The following CCNDBP1 variants were observed in gnomAD, a reference collection of about 807,000 sequenced individuals.
The protein encoded by CCNDBP1 is cyclin-D1-binding protein 1.
In CCNDBP1, 45 loss-of-function variants were observed where a neutral mutation model predicts 46.2. The ratio of observed to expected loss-of-function variants is 0.97; its 90% CI spans 0.77 to 1.25. The LOEUF is 1.25. CCNDBP1 is among the 50% of genes most tolerant of loss of function. CCNDBP1 has a pLI of 0.00. For missense variants in CCNDBP1, 436 were observed against 442.1 expected, an observed-to-expected ratio of 0.99 and a Z score of 0.12; for synonymous variants, 154 against 163.6, an observed-to-expected ratio of 0.94 and a Z score of 0.45.
At chr15:43,192,021 T>C (rs1242716671) in intron 8 of CCNDBP1, among the ~76,000 whole-genome samples, 1 of 152,326 alleles carries the variant, frequency 6.6e-6, no homozygotes, top group Admixed American at 6.5e-5. Context: ...TCCAAGAAAT[T>C]TGACATTGAA....
rs113055981 is a variant in CCNDBP1 at position 43,189,316 on chromosome 15, C to CTTTG, written c.331+37_331+40dup. 1.4e-4 allele frequency: 181 copies of CTTTG among 1,262,784 alleles called. 2 individuals carry two copies. The African/African-American group carries it at 2.3e-3, about 16-fold the overall frequency. 78.2% of individuals were successfully genotyped at this position (1,262,784 alleles called of 1,614,324 possible). On this transcript the variant is annotated intron_variant, in intron 4 of 10. Coordinates refer to ENST00000300213, the MANE Select transcript of CCNDBP1 (RefSeq NM_012142.5). ...TAAGTGTTGCATTTATCGTGTAGAT[C>CTTTG]TTTGCTAATATTGTGGATTATGTCT...
At chr15:43,189,090 A>AG in intron 3 of CCNDBP1, 109 bp from the exon 4 acceptor site, 1 of 456,000 alleles carries the variant, frequency 2.2e-6, no homozygotes, top group Admixed American at 4.2e-5. Context: ...AAAAAAAAAA[A>AG]AAAAAAAAAA....
intron 10 of CCNDBP1, 46 bp downstream of exon 10, chr15:43,194,507 A>G (rs1596396466): frequency 6.8e-7 from 1 of 1,478,014 alleles, no homozygotes; most frequent in East Asian, 2.3e-5. Flanking sequence ...GTAAAACGGA[A>G]CTGCTGTCCA....
intron 3 of CCNDBP1, among the ~76,000 whole-genome samples, chr15:43,186,626 A>C (rs1292003828): frequency 6.6e-6 from 1 of 152,224 alleles, no homozygotes; most frequent in Admixed American, 6.5e-5. Context: ...TCTGATGTCT[A>C]AGCTACCTAT....
At chr15:43,190,420 G>A in intron 6 of CCNDBP1, 22 bp downstream of exon 6, 1 of 1,606,132 alleles carries the variant, frequency 6.2e-7, no homozygotes, top group Non-Finnish European at 8.5e-7. Flanking sequence ...TGGGCAGTGG[G>A]CCATGTCTGC....
intron 9 of CCNDBP1, 38 bp from the exon 10 acceptor site, chr15:43,194,377 A>G: frequency 2.6e-6 from 4 of 1,519,942 alleles, no homozygotes; most frequent in Non-Finnish European, 3.5e-6. Flanking sequence ...TTTTTATGGT[A>G]GGGCTCAGGG....
At chr15:43,186,099 A>C in intron 2 of CCNDBP1, 55 bp from the exon 3 acceptor site, 1 of 1,512,724 alleles carries the variant, frequency 6.6e-7, no homozygotes. Flanking sequence ...GAAGTCTTCC[A>C]AGTCCGTGCA....
At position 43,194,724 on chromosome 15, in the gene CCNDBP1, C is replaced by T; in HGVS notation, c.969-3C>T. 6.3e-7 allele frequency: 1 copy of T among 1,587,002 alleles called. No individual in the cohort carries two copies. The highest frequency in any genetic ancestry group is 8.7e-7 in the Non-Finnish European group (1 of 1,155,456). On this transcript the variant is annotated splice_region_variant and splice_polypyrimidine_tract_variant and intron_variant, in intron 10 of 10. Coordinates refer to ENST00000300213, the MANE Select transcript of CCNDBP1 (RefSeq NM_012142.5). ...ACTTACTTCTTTCCTATTCTATTCA[C>T]AGAGCAAGTCATGTGACCCCTCAGC...
intron 9 of CCNDBP1, chr15:43,193,288 G>A (rs1349828885): frequency 4.2e-5 from 5 of 119,196 alleles, no homozygotes; most frequent in African/African-American, 9.8e-5. Flanking sequence ...AGCCGACATC[G>A]CGCCACTGCA....
chr15:43,187,876 CAAAT>C (rs1323513705), intron 3 of CCNDBP1, among the ~76,000 whole-genome samples: 3 of 151,760 alleles, frequency 2.0e-5, no homozygotes, highest in Non-Finnish European at 4.4e-5. Context: ...TACATATATT[CAAAT>C]AAATACATAT....
rs150598689 is a variant in CCNDBP1 at position 43,192,536 on chromosome 15, T to A, written c.861-207T>A. Among the ~76,000 whole-genome samples, 588 of 152,208 alleles carry A rather than the reference T, an allele frequency of 3.9e-3. 2 individuals are homozygous for A. The highest frequency in any genetic ancestry group is 0.014 in the African/African-American group (561 of 41,516). On this transcript the variant is annotated intron_variant, in intron 8 of 10. Coordinates refer to ENST00000300213, the MANE Select transcript of CCNDBP1 (RefSeq NM_012142.5). ...CACCCTACTATGAACCAAGGGAATT[T>A]CCCCCCCAGCTTCCTAGTGAAATGG... is the stretch of plus-strand genomic sequence containing the variant.
chr15:43,192,517 A>C (rs1204100749), intron 8 of CCNDBP1, among the ~76,000 whole-genome samples: 2 of 152,182 alleles, frequency 1.3e-5, no homozygotes, highest in African/African-American at 4.8e-5. Context: ...CATGCACCCT[A>C]CTATGAACCA....
Position 43,190,056 on chromosome 15 carries a change from GATC to G in CCNDBP1, c.335_337del (p.Ile112del). The G allele has an allele frequency of 6.2e-7, 1 of 1,614,016 alleles. No individual in the cohort carries two copies. The highest frequency in any genetic ancestry group is 1.1e-5 in the South Asian group (1 of 91,078). On this transcript the variant is annotated inframe_deletion and splice_region_variant, in exon 5 of 11. Transcript: ENST00000300213. ...CTTATTCTTTGGGTTTGGCCACAGG[GATC>G]ACCCTGAGAAAGCTGGTACGGGGCG...
Position 43,185,518 on chromosome 15 carries a change from C to G in CCNDBP1, c.20C>G (p.Pro7Arg), listed in dbSNP as rs777655444. 1.3e-6 allele frequency: 2 copies of G among 1,595,100 alleles called. No homozygotes were observed. Among genetic ancestry groups the G allele is most frequent in the Non-Finnish European group, 8.5e-7 (1 of 1,173,712 alleles). The change falls in exon 1 of 11, where the codon CCT becomes CGT. Residue 7 changes from proline (P) to arginine (R), a missense_variant. Coordinates refer to ENST00000300213, the MANE Select transcript of CCNDBP1 (RefSeq NM_012142.5). ...ACTGAGATGGCGAGCGCAACTGCAC[C>G]TGCAGCCGCAGTCCCCACCCTGGCT... MASATA[P>R]AAAVPTLASP...
intron 3 of CCNDBP1, among the ~76,000 whole-genome samples, chr15:43,188,151 A>G (rs1182957988): frequency 6.6e-6 from 1 of 152,224 alleles, no homozygotes; most frequent in Non-Finnish European, 1.5e-5. Context: ...GGTCACAAAC[A>G]GTTTGTAGAC....
intron 6 of CCNDBP1, 83 bp downstream of exon 6, chr15:43,190,481 T>G: frequency 1.0e-6 from 1 of 988,076 alleles, no homozygotes; most frequent in East Asian, 2.5e-5. Flanking sequence ...GTAACATGTA[T>G]TTGAATTTAT....
intron 3 of CCNDBP1, among the ~76,000 whole-genome samples, chr15:43,186,971 G>A (rs1470067314): frequency 2.0e-5 from 3 of 152,098 alleles, no homozygotes; most frequent in South Asian, 2.1e-4. Flanking sequence ...AAAAATTCCC[G>A]GAAGTAGAAT....
In CCNDBP1 at chr15:43,191,432, A is replaced by G. The variant is rs754554121; in HGVS notation, c.617A>G (p.Asn206Ser). ...TGTGACCCTTACTCTGGCCTCTTGA[A>G]TGATACTGAGGAGAACAACTCTGAC... ...EECDPYSGLL[N>S]DTEENNSDNH... The change falls in exon 8 of 11, where the codon AAT becomes AGT. Residue 206 changes from asparagine to serine, a missense_variant. Coordinates refer to ENST00000300213, the MANE Select transcript of CCNDBP1 (RefSeq NM_012142.5). The G allele has an allele frequency of 1.4e-5, 23 of 1,599,052 alleles. No individual in the cohort carries two copies. The highest frequency in any genetic ancestry group is 1.9e-5 in the Non-Finnish European group (22 of 1,175,604).
At chr15:43,186,270 G>A in intron 3 of CCNDBP1, 37 bp downstream of exon 3, 2 of 1,523,898 alleles carry the variant, frequency 1.3e-6, no homozygotes, top group Non-Finnish European at 1.8e-6. Flanking sequence ...GGGCTGCCGA[G>A]TTACACCTTA....
Sources: gnomAD v4.1 joint callset for allele counts (sites outside exome capture counted in the v4.1 genomes callset) on GRCh38, gnomAD v4.1.1 for gene constraint, MANE v1.5 for transcripts, NCBI Gene and HGNC (gene_info 2026-07-23, HGNC 2026-07-21) for gene names.